The following SHISA9 variants were observed in gnomAD, a reference collection of about 807,000 sequenced individuals.
SHISA9 encodes the protein protein shisa-9.
SHISA9 carries 13 observed loss-of-function variants against 38.0 expected under a neutral mutation model. That is an observed-to-expected ratio of 0.34 (90% CI 0.22 to 0.54). The LOEUF is 0.54. Among genes scored for constraint, SHISA9 ranks in the 20% least tolerant of loss-of-function variants. SHISA9 has a pLI of 0.91. For missense variants in SHISA9, 538 were observed against 575.8 expected (o/e 0.93, Z 0.67); for synonymous variants, 275 against 242.0 (o/e 1.14, Z -1.27).
chr16:12,950,668 G>T (rs2071742544), intron 2 of SHISA9, among the ~76,000 whole-genome samples: 1 of 151,778 alleles, frequency 6.6e-6, no homozygotes, highest in African/African-American at 2.4e-5. Flanking sequence ...GAGTGCAGTG[G>T]CATGATCTCG....
the SHISA9 span, among the ~76,000 whole-genome samples, chr16:13,340,791 C>G: frequency 6.6e-6 from 1 of 152,176 alleles, no homozygotes; most frequent in Non-Finnish European, 1.5e-5. Flanking sequence ...TTTGTTGCCC[C>G]TTGAGCTCAA....
At chr16:13,158,886 C>T (rs2142010845) in intron 2 of SHISA9, among the ~76,000 whole-genome samples, 1 of 108,332 alleles carries the variant, frequency 9.2e-6, no homozygotes, top group South Asian at 3.6e-4. Flanking sequence ...GTAACCCCAT[C>T]TCTACTAAAA....
At chr16:13,122,911 G>T (rs143584942) in intron 2 of SHISA9, among the ~76,000 whole-genome samples, 2,059 of 152,260 alleles carry the variant, frequency 0.014, 29 homozygotes, top group Middle Eastern at 0.031. Flanking sequence ...GCCAGGTGTG[G>T]TGGCAGGTGC....
chr16:13,007,593 G>C (rs924739653), intron 2 of SHISA9, among the ~76,000 whole-genome samples: 3 of 152,054 alleles, frequency 2.0e-5, no homozygotes, highest in African/African-American at 7.2e-5. Context: ...ATGACCCTAG[G>C]GTGAGAACCC....
At chr16:13,388,089 C>T in the SHISA9 span, among the ~76,000 whole-genome samples, 2 of 152,124 alleles carry the variant, frequency 1.3e-5, no homozygotes, top group African/African-American at 2.4e-5. Flanking sequence ...ATCCTGGGAG[C>T]TCTATATCCT....
the SHISA9 span, among the ~76,000 whole-genome samples, chr16:13,478,062 T>C: frequency 6.6e-6 from 1 of 152,366 alleles, no homozygotes; most frequent in South Asian, 2.1e-4. Context: ...GATCCTGTTT[T>C]GTTTGAGCGA....
intron 2 of SHISA9, among the ~76,000 whole-genome samples, chr16:12,973,116 ACC>A (rs1233741559): frequency 6.6e-6 from 1 of 151,932 alleles, no homozygotes; most frequent in African/African-American, 2.4e-5. Context: ...ATTCCATTTC[ACC>A]CCTCCGCTCC....
chr16:13,304,875 G>A, the SHISA9 span, among the ~76,000 whole-genome samples: 1 of 152,112 alleles, frequency 6.6e-6, no homozygotes, highest in African/African-American at 2.4e-5. Context: ...TTTCTATGAG[G>A]GGCATATAGC....
chr16:12,963,721 G>A (rs1454183416), intron 2 of SHISA9, among the ~76,000 whole-genome samples: 1 of 152,124 alleles, frequency 6.6e-6, no homozygotes, highest in Admixed American at 6.6e-5. Context: ...GTGCCAGGTG[G>A]GATTTAAATA....
the SHISA9 span, among the ~76,000 whole-genome samples, chr16:13,320,185 G>A: frequency 6.6e-6 from 1 of 150,612 alleles, no homozygotes; most frequent in African/African-American, 2.4e-5. Flanking sequence ...CAGCTACTCA[G>A]GAGGCTGAGG....
At chr16:13,098,542 T>A (rs1376554002) in intron 2 of SHISA9, among the ~76,000 whole-genome samples, 3 of 152,150 alleles carry the variant, frequency 2.0e-5, no homozygotes. Context: ...GGGGGGAGGT[T>A]CTCTTTGTAA....
At chr16:13,218,201 G>A (rs186513933) in intron 4 of SHISA9, among the ~76,000 whole-genome samples, 1 of 152,326 alleles carries the variant, frequency 6.6e-6, no homozygotes, top group Non-Finnish European at 1.5e-5. Flanking sequence ...AGAGGGGCTT[G>A]AGGACTTGAC....
chr16:12,992,531 CAAAACAAAAACA>C (rs377609310), intron 2 of SHISA9, among the ~76,000 whole-genome samples: 1 of 151,460 alleles, frequency 6.6e-6, no homozygotes, highest in Non-Finnish European at 1.5e-5. Flanking sequence ...GACTCTGTCT[CAAAACAAAAACA>C]AAAACAAAAA....
chr16:13,313,112 G>A, the SHISA9 span, among the ~76,000 whole-genome samples: 2 of 150,914 alleles, frequency 1.3e-5, no homozygotes, highest in East Asian at 1.9e-4. Flanking sequence ...AAAATTAGCC[G>A]GGCGTAGTGG....
chr16:13,160,551 G>A (rs2050586009), intron 2 of SHISA9, among the ~76,000 whole-genome samples: 1 of 152,206 alleles, frequency 6.6e-6, no homozygotes, highest in Non-Finnish European at 1.5e-5. Context: ...ACTGGGTTAG[G>A]TGGGATGCAT....
chr16:13,328,518 T>C, the SHISA9 span, among the ~76,000 whole-genome samples: 3 of 151,502 alleles, frequency 2.0e-5, no homozygotes, highest in Admixed American at 2.0e-4. Flanking sequence ...GTTCAAATGA[T>C]TCTCCTGCCT....
At chr16:13,231,084 G>C (rs11865718) in intron 4 of SHISA9, among the ~76,000 whole-genome samples, 29,199 of 152,120 alleles carry the variant, frequency 0.19, 3,083 homozygotes, top group Admixed American at 0.31. Flanking sequence ...CCCAGTAGGT[G>C]TCAACCTCAT....
At chr16:13,446,842 C>T in the SHISA9 span, among the ~76,000 whole-genome samples, 3 of 151,732 alleles carry the variant, frequency 2.0e-5, no homozygotes, top group Admixed American at 1.3e-4. Context: ...TAGCCAGGCA[C>T]GCTGACACAT....
the SHISA9 span, among the ~76,000 whole-genome samples, chr16:13,411,372 T>C: frequency 6.6e-6 from 1 of 152,258 alleles, no homozygotes; most frequent in African/African-American, 2.4e-5. Flanking sequence ...AATGAACTTC[T>C]CTTCTTTAAC....
Sources: gnomAD v4.1 joint callset for allele counts (sites outside exome capture counted in the v4.1 genomes callset) on GRCh38, gnomAD v4.1.1 for gene constraint, MANE v1.5 for transcripts, NCBI Gene and HGNC (gene_info 2026-07-23, HGNC 2026-07-21) for gene names.